The following LBH variants were observed in gnomAD, a reference collection of about 807,000 sequenced individuals.
LBH encodes the protein protein LBH.
In LBH, 7 loss-of-function variants were observed where a neutral mutation model predicts 12.5. That is an observed-to-expected ratio of 0.56 (90% CI 0.32 to 1.05). The LOEUF (loss-of-function observed/expected upper bound fraction) is 1.05. LBH is among the 50% of genes least tolerant of loss of function. LBH has a pLI of 0.04. For synonymous variants in LBH, 51 were observed against 50.1 expected (o/e 1.02, Z -0.08); for missense variants, 119 against 138.9 (o/e 0.86, Z 0.72).
intron 2 of LBH, among the ~76,000 whole-genome samples, chr2:30,243,619 C>T (rs1439047791): frequency 6.6e-6 from 1 of 151,284 alleles, no homozygotes; most frequent in Non-Finnish European, 1.5e-5. Flanking sequence ...CAACCTCCGC[C>T]TCCCTGGTTC....
intron 2 of LBH, among the ~76,000 whole-genome samples, chr2:30,242,200 G>A (rs769441449): frequency 6.6e-6 from 1 of 151,880 alleles, no homozygotes; most frequent in Non-Finnish European, 1.5e-5. Flanking sequence ...AAAAGTGTGA[G>A]TATGCATATA....
intron 2 of LBH, among the ~76,000 whole-genome samples, chr2:30,238,952 C>T (rs1241871232): frequency 5.5e-5 from 8 of 144,668 alleles, no homozygotes; most frequent in Admixed American, 2.9e-4. Flanking sequence ...TGCAGTGGCG[C>T]GATCTCTTCT....
chr2:30,256,223 G>A (rs547228118), intron 2 of LBH, among the ~76,000 whole-genome samples: 1 of 152,340 alleles, frequency 6.6e-6, no homozygotes, highest in East Asian at 1.9e-4. Context: ...TTATAGCTGG[G>A]TTTGGAGTTT....
At chr2:30,249,754 G>C (rs1170400743) in intron 2 of LBH, among the ~76,000 whole-genome samples, 1 of 152,198 alleles carries the variant, frequency 6.6e-6, no homozygotes, top group Non-Finnish European at 1.5e-5. Flanking sequence ...CACTCTAAAT[G>C]CTGCTGGGGG....
intron 2 of LBH, among the ~76,000 whole-genome samples, chr2:30,250,680 G>A (rs893496987): frequency 6.6e-6 from 1 of 151,908 alleles, no homozygotes; most frequent in African/African-American, 2.4e-5. Flanking sequence ...TTGAAGCCCT[G>A]GTGTTGCCTT....
rs780489707 is a variant in LBH at position 30,257,623 on chromosome 2, G to A, written c.*2G>A. 9.4e-6 allele frequency: 15 copies of A among 1,602,460 alleles called. No individual in the cohort carries two copies. The highest frequency in any genetic ancestry group is 4.0e-5 in the African/African-American group (3 of 74,564). ...GCGAAAGAAAATAAAGAGCAGTAGA[G>A]TCCCTGTGGACTCCCATGGGTCATA... On this transcript the variant is annotated 3_prime_UTR_variant, in exon 3 of 3. Coordinates refer to ENST00000395323, the MANE Select transcript of LBH (RefSeq NM_030915.4).
At chr2:30,255,124 C>T (rs917981168) in intron 2 of LBH, among the ~76,000 whole-genome samples, 1 of 152,238 alleles carries the variant, frequency 6.6e-6, no homozygotes, top group Non-Finnish European at 1.5e-5. Context: ...GAGCCCTGAA[C>T]GAGCTGACAT....
intron 2 of LBH, among the ~76,000 whole-genome samples, chr2:30,238,188 C>T (rs6755473): frequency 0.18 from 27,302 of 152,118 alleles, 2,669 homozygotes; most frequent in Non-Finnish European, 0.23. Flanking sequence ...TGGGAATTTG[C>T]CTGTGGGCAC....
intron 2 of LBH, among the ~76,000 whole-genome samples, chr2:30,239,046 C>T (rs1015116648): frequency 2.6e-5 from 4 of 152,066 alleles, no homozygotes; most frequent in Admixed American, 2.0e-4. Context: ...TGTGCCACCA[C>T]GCCCAGCTAA....
At chr2:30,238,290 C>A (rs140953462) in intron 2 of LBH, among the ~76,000 whole-genome samples, 1 of 152,324 alleles carries the variant, frequency 6.6e-6, no homozygotes, top group East Asian at 1.9e-4. Context: ...GTTTCATCAC[C>A]CCAGCTAAGG....
intron 2 of LBH, among the ~76,000 whole-genome samples, chr2:30,234,757 C>G (rs1207789250): frequency 6.6e-6 from 1 of 152,188 alleles, no homozygotes; most frequent in African/African-American, 2.4e-5. Flanking sequence ...GTGTCTGGGA[C>G]AGATAAGGGC....
intron 2 of LBH, among the ~76,000 whole-genome samples, chr2:30,240,788 A>G: frequency 6.6e-6 from 1 of 152,220 alleles, no homozygotes; most frequent in East Asian, 1.9e-4. Flanking sequence ...TCCCACCGGC[A>G]GTAGCTTATT....
At chr2:30,235,471 T>G (rs571529703) in intron 2 of LBH, among the ~76,000 whole-genome samples, 1 of 152,104 alleles carries the variant, frequency 6.6e-6, no homozygotes, top group Non-Finnish European at 1.5e-5. Flanking sequence ...AGACGCTGCC[T>G]TGCTCACATC....
At chr2:30,233,959 A>T (rs1438955938) in intron 1 of LBH, among the ~76,000 whole-genome samples, 1 of 151,904 alleles carries the variant, frequency 6.6e-6, no homozygotes, top group Non-Finnish European at 1.5e-5. Context: ...TTGTGTATTA[A>T]TAATATATAG....
intron 2 of LBH, among the ~76,000 whole-genome samples, chr2:30,252,326 C>T (rs1677994792): frequency 6.6e-6 from 1 of 152,172 alleles, no homozygotes. Flanking sequence ...TTGTAAGTTT[C>T]CTGAGGCCTT....
intron 2 of LBH, among the ~76,000 whole-genome samples, chr2:30,242,389 G>A (rs761684840): frequency 1.3e-5 from 2 of 152,002 alleles, no homozygotes; most frequent in Admixed American, 6.6e-5. Flanking sequence ...GATTACAGGC[G>A]AGTGCCACCA....
chr2:30,238,398 A>G (rs1677726994), intron 2 of LBH, among the ~76,000 whole-genome samples: 1 of 152,184 alleles, frequency 6.6e-6, no homozygotes, highest in African/African-American at 2.4e-5. Context: ...AGGCTCTTTA[A>G]ATTTCTCTAA....
chr2:30,257,827 C>A lies in LBH; in HGVS notation c.*206C>A, dbSNP rs1454973217. 1.4e-5 allele frequency: 6 copies of A among 437,504 alleles called. No homozygotes were observed. 27.1% of individuals were successfully genotyped at this position (437,504 alleles called of 1,614,324 possible). A position where few individuals can be genotyped will look rare whatever the true frequency, so the allele number is the denominator to read the frequency against. On this transcript the variant is annotated 3_prime_UTR_variant, in exon 3 of 3. Transcript: ENST00000395323. ...TTGAAATTTGCCGAGCAGTGGAGCC[C>A]TCTGACAATTTGCAAGGCCCTCTGA... is the stretch of plus-strand genomic sequence containing the variant.
At chr2:30,241,061 A>C (rs1472197185) in intron 2 of LBH, among the ~76,000 whole-genome samples, 1 of 152,228 alleles carries the variant, frequency 6.6e-6, no homozygotes, top group Non-Finnish European at 1.5e-5. Context: ...TTTTCTTAGG[A>C]GAGCTTAAAG....
Sources: allele counts gnomAD v4.1 joint callset (sites outside exome capture counted in the v4.1 genomes callset), GRCh38; gene constraint gnomAD v4.1.1; transcripts MANE v1.5; gene names NCBI Gene and HGNC (gene_info 2026-07-23, HGNC 2026-07-21).